Variants in CACUL1 observed in about 807,000 individuals in gnomAD.
The protein encoded by CACUL1 is CDK2-associated and cullin domain-containing protein 1.
In CACUL1, 13 loss-of-function variants were observed where a neutral mutation model predicts 45.2. The observed-to-expected ratio is 0.29, with a 90% CI of 0.19 to 0.46. CACUL1 has a LOEUF of 0.46. Among genes scored for constraint, CACUL1 ranks in the 20% least tolerant of loss-of-function variants. The probability of loss-of-function intolerance (pLI) is 1.00; values close to 1 mark genes in which losing one functional copy is unlikely to be tolerated. For missense variants in CACUL1, 421 were observed against 471.4 expected, an observed-to-expected ratio of 0.89 and a Z score of 0.99; for synonymous variants, 197 against 174.2, an observed-to-expected ratio of 1.13 and a Z score of -1.03.
intron 3 of CACUL1, among the ~76,000 whole-genome samples, chr10:118,723,785 T>G (rs1845624001): frequency 6.6e-6 from 1 of 152,190 alleles, no homozygotes; most frequent in African/African-American, 2.4e-5. Context: ...CATTTTTTTT[T>G]CTTTTTGGGA....
intron 1 of CACUL1, among the ~76,000 whole-genome samples, chr10:118,748,358 G>A (rs2119681684): frequency 6.6e-6 from 1 of 152,144 alleles, no homozygotes; most frequent in East Asian, 1.9e-4. Context: ...CCCCAAGTTT[G>A]ATGTTCTTCA....
At chr10:118,693,825 A>G (rs137923978) in intron 6 of CACUL1, 105 of 439,658 alleles carry the variant, frequency 2.4e-4, no homozygotes, top group Admixed American at 6.5e-4. Context: ...AATTTCTGTT[A>G]AAAGTCACAG....
chr10:118,693,852 C>T (rs1845295489), intron 6 of CACUL1: 1 of 413,340 alleles, frequency 2.4e-6, no homozygotes, highest in African/African-American at 2.1e-5. Flanking sequence ...AAGCTCAAAC[C>T]CTAGATCCAA....
In CACUL1 at chr10:118,684,371, T is replaced by G. The variant is rs1157802294; in HGVS notation, c.*1757A>C. On this transcript the variant is annotated 3_prime_UTR_variant, in exon 9 of 9. Coordinates refer to ENST00000369151, the MANE Select transcript of CACUL1 (RefSeq NM_153810.5). ...CATTGAGAAAAGTAAAATGTGAATG[T>G]CATGATGAATGGAATTCTCCTTGAT... The G allele has an allele frequency of 6.6e-6, 1 of 152,232 alleles. No individual in the cohort carries two copies. The highest frequency in any genetic ancestry group is 6.5e-5 in the Admixed American group (1 of 15,280). 9.4% of individuals were successfully genotyped at this position (152,232 alleles called of 1,614,324 possible). A position where few individuals can be genotyped will look rare whatever the true frequency, so the allele number is the denominator to read the frequency against.
intron 4 of CACUL1, among the ~76,000 whole-genome samples, chr10:118,704,440 C>A (rs1307896083): frequency 6.6e-6 from 1 of 152,164 alleles, no homozygotes; most frequent in African/African-American, 2.4e-5. Context: ...CAGTCAAATG[C>A]CTAGGCAGAC....
chr10:118,685,297 C>A lies in CACUL1; in HGVS notation c.*831G>T, dbSNP rs564612578. 3.9e-5 allele frequency: 6 copies of A among 152,660 alleles called. No individual in the cohort carries two copies. Among genetic ancestry groups the A allele is most frequent in the Non-Finnish European group, 7.3e-5 (5 of 68,076 alleles). 9.5% of individuals were successfully genotyped at this position (152,660 alleles called of 1,614,324 possible). On this transcript the variant is annotated 3_prime_UTR_variant, in exon 9 of 9. Coordinates refer to ENST00000369151, the MANE Select transcript of CACUL1 (RefSeq NM_153810.5). ...GTGACAGACATCGTGTTAAGTGGCACAGGGAATGGAAATGCTCTAGGAGAG... is the reference window on the plus strand; with the variant it reads ...GTGACAGACATCGTGTTAAGTGGCAAAGGGAATGGAAATGCTCTAGGAGAG...
At chr10:118,713,643 G>C (rs944761615) in intron 3 of CACUL1, among the ~76,000 whole-genome samples, 1 of 152,134 alleles carries the variant, frequency 6.6e-6, no homozygotes, top group African/African-American at 2.4e-5. Flanking sequence ...AGTTCAAATG[G>C]GTTTAGAGTA....
intron 1 of CACUL1, among the ~76,000 whole-genome samples, chr10:118,745,516 G>T (rs535556089): frequency 6.6e-6 from 1 of 151,944 alleles, no homozygotes; most frequent in African/African-American, 2.4e-5. Context: ...AGCCGAGATC[G>T]TGCCACTGCA....
At chr10:118,693,552 T>G (rs1390318296) in intron 6 of CACUL1, 1 of 335,126 alleles carries the variant, frequency 3.0e-6, no homozygotes, top group Non-Finnish European at 5.9e-6. Flanking sequence ...CACAATACTT[T>G]TCTACCTTTA....
chr10:118,692,709 C>T (rs1181080993), intron 6 of CACUL1: 1 of 152,122 alleles, frequency 6.6e-6, no homozygotes, highest in African/African-American at 2.4e-5. Flanking sequence ...AATATTAATG[C>T]TCTTGAATCA....
chr10:118,724,198 C>T (rs1450416201), intron 3 of CACUL1, among the ~76,000 whole-genome samples: 3 of 152,062 alleles, frequency 2.0e-5, no homozygotes, highest in Non-Finnish European at 4.4e-5. Context: ...AATTTATTAC[C>T]CAACCCCCAC....
intron 1 of CACUL1, among the ~76,000 whole-genome samples, chr10:118,739,822 C>T (rs1445674576): frequency 1.3e-5 from 2 of 152,148 alleles, no homozygotes; most frequent in African/African-American, 4.8e-5. Context: ...AGGTACATGG[C>T]GAATCTAACA....
chr10:118,734,350 G>A (rs548815843), intron 1 of CACUL1, among the ~76,000 whole-genome samples: 1 of 152,244 alleles, frequency 6.6e-6, no homozygotes, highest in Non-Finnish European at 1.5e-5. Context: ...GACTTCCAAT[G>A]AGGTAAAGAA....
chr10:118,686,495 C>T, intron 8 of CACUL1, 103 bp downstream of exon 8: 2 of 938,668 alleles, frequency 2.1e-6, no homozygotes, highest in Non-Finnish European at 3.5e-6. Flanking sequence ...CTTATGAGAA[C>T]AACATGGGTA....
At chr10:118,707,004 C>T (rs1295184457) in intron 4 of CACUL1, among the ~76,000 whole-genome samples, 2 of 152,040 alleles carry the variant, frequency 1.3e-5, no homozygotes, top group Non-Finnish European at 2.9e-5. Flanking sequence ...CTATGACTCT[C>T]GATATTTAAA....
chr10:118,754,711 C>T lies in CACUL1; in HGVS notation c.52G>A (p.Asp18Asn). The T allele has an allele frequency of 6.2e-7, 1 of 1,605,952 alleles. No individual in the cohort carries two copies. Among genetic ancestry groups the T allele is most frequent in the Non-Finnish European group, 8.5e-7 (1 of 1,177,010 alleles). ...TCCCAGTTGTTGTGGTTCTGGTCGT[C>T]CATCATCGCCTCGTAGCTGCCCCCC... ...EEGGSYEAMM[D>N]DQNHNNWEAA... Residue 18 changes from aspartate to asparagine, a missense_variant, in exon 1 of 9, where the codon GAC (aspartate) becomes AAC (asparagine). By Grantham distance (23) the Asp-to-Asn change is conservative (BLOSUM62 1). Transcript: ENST00000369151.
At position 118,701,394 on chromosome 10, in the gene CACUL1, G is replaced by A. The variant is rs190203369; in HGVS notation, c.708C>T (p.Ile236=). 23 of 1,541,894 alleles carry A rather than the reference G, an allele frequency of 1.5e-5. No homozygotes were observed. In the African/African-American group the frequency reaches 2.7e-4, roughly 18 times the overall value. ...PLFIYMNKFY[I]ETKLNRDLKD... ...TTAAGTCTCTGTTAAGCTTGGTTTC[G>A]ATGTAAAACTTATTCTGAAAAATAA... The change falls in exon 5 of 9, where the codon ATC becomes ATT. Residue 236 remains isoleucine, a synonymous_variant. Coordinates refer to ENST00000369151, the MANE Select transcript of CACUL1 (RefSeq NM_153810.5).
intron 1 of CACUL1, among the ~76,000 whole-genome samples, chr10:118,747,224 G>C (rs1240655117): frequency 2.0e-5 from 3 of 152,172 alleles, no homozygotes; most frequent in Non-Finnish European, 4.4e-5. Flanking sequence ...AACTTTAAAA[G>C]ACTGACAATA....
At chr10:118,713,920 T>C (rs1845301379) in intron 3 of CACUL1, among the ~76,000 whole-genome samples, 1 of 152,230 alleles carries the variant, frequency 6.6e-6, no homozygotes, top group Admixed American at 6.5e-5. Flanking sequence ...TTTTTGTTTA[T>C]ATGCAGGTTG....
Sources: gnomAD v4.1 joint callset for allele counts (sites outside exome capture counted in the v4.1 genomes callset) on GRCh38, gnomAD v4.1.1 for gene constraint, MANE v1.5 for transcripts, NCBI Gene and HGNC (gene_info 2026-07-23, HGNC 2026-07-21) for gene names.